The following OGDHL variants were observed in gnomAD, a reference collection of about 807,000 sequenced individuals.
OGDHL encodes 2-oxoglutarate dehydrogenase-like, mitochondrial.
Under a neutral mutation model 109.6 loss-of-function variants are expected in OGDHL, and 79 were observed. That is an observed-to-expected ratio of 0.72 (90% CI 0.60 to 0.87). OGDHL has a LOEUF of 0.87. Ranked by LOEUF, OGDHL falls within the 40% of genes least tolerant of loss-of-function variation. The pLI is 0.00. For missense variants in OGDHL, 1,275 were observed against 1,362.2 expected, an observed-to-expected ratio of 0.94 and a Z score of 1.01; for synonymous variants, 528 against 537.2, an observed-to-expected ratio of 0.98 and a Z score of 0.24.
chr10:49,753,920 T>TAGA (rs1842761480), intron 3 of OGDHL, among the ~76,000 whole-genome samples: 1 of 151,090 alleles, frequency 6.6e-6, no homozygotes, highest in Non-Finnish European at 1.5e-5. Flanking sequence ...AAAGAACTGT[T>TAGA]ATTCTAAGAT....
rs1243443143 is a variant in OGDHL, at chr10:49,744,092, C to T, written c.1763G>A (p.Ser588Asn). 4 of 1,613,846 alleles carry T rather than the reference C, an allele frequency of 2.5e-6. No individual in the cohort carries two copies. Among genetic ancestry groups the T allele is most frequent in the Non-Finnish European group, 3.4e-6 (4 of 1,179,916 alleles). The change falls in exon 14 of 23, where the codon AGC becomes AAC. Residue 588 changes from serine to asparagine, a missense_variant. Physicochemically the swap from Ser to Asn is conservative, Grantham distance 46 (BLOSUM62 1). Coordinates refer to ENST00000374103, the MANE Select transcript of OGDHL (RefSeq NM_018245.3). ...GATCCCCGTGGCTGGGCATGTCATG[C>T]TCTTGGGCTCCCCATCTACGTTGAA... ...GFFNVDGEPK[S>N]MTCPATGIPE... is the part of the protein sequence containing the mutation.
chr10:49,738,262 C>T lies in OGDHL; in HGVS notation c.2320G>A (p.Gly774Ser). The T allele has an allele frequency of 1.2e-6, 2 of 1,612,614 alleles. No individual in the cohort carries two copies. Among genetic ancestry groups the T allele is most frequent in the Non-Finnish European group, 1.7e-6 (2 of 1,180,006 alleles). ...LLLPHGMEGM[G>S]PEHSSARPER... ...GGCCTCGCTGACGAGTGCTCTGGGC[C>T]CTGAAAGCAAACGCCAGACAGCCAA... Residue 774 changes from glycine to serine, a missense_variant and splice_region_variant, in exon 18 of 23, where the codon GGC (glycine) becomes AGC (serine). By Grantham distance (56) the Gly-to-Ser change is moderately conservative. Transcript: ENST00000374103.
intron 7 of OGDHL, 47 bp downstream of exon 7, chr10:49,750,792 C>G (rs1406857292): frequency 1.3e-6 from 2 of 1,553,258 alleles, no homozygotes; most frequent in African/African-American, 1.3e-5. Flanking sequence ...CCTCTGTCCC[C>G]TGGGCTGGAG....
intron 15 of OGDHL, among the ~76,000 whole-genome samples, chr10:49,742,217 AC>A (rs1250685741): frequency 7.8e-6 from 1 of 128,020 alleles, no homozygotes; most frequent in African/African-American, 3.0e-5. Context: ...GCACACCCCC[AC>A]AAACCACACA....
intron 15 of OGDHL, among the ~76,000 whole-genome samples, chr10:49,742,546 A>ACACACACCACACG (rs1841856749): frequency 7.8e-6 from 1 of 127,914 alleles, no homozygotes; most frequent in Admixed American, 7.5e-5. Context: ...CACACCACAC[A>ACACACACCACACG]CAACTCGCCC....
chr10:49,761,858 G>C (rs1221625868), intron 1 of OGDHL, among the ~76,000 whole-genome samples: 2 of 152,190 alleles, frequency 1.3e-5, no homozygotes, highest in African/African-American at 4.8e-5. Context: ...GTCCCGCCAG[G>C]TGCACAGCGC....
chr10:49,750,699 G>A (rs1041823679), intron 7 of OGDHL, 140 bp downstream of exon 7: 7 of 1,194,706 alleles, frequency 5.9e-6, no homozygotes, highest in East Asian at 2.7e-5. Flanking sequence ...GCCAGGCCCA[G>A]GACTCAGAAC....
rs373158682 is a variant in OGDHL at position 49,747,063 on chromosome 10, T to C, written c.1133A>G (p.Glu378Gly). The change falls in exon 9 of 23, where the codon GAG becomes GGG. Residue 378 changes from glutamate (E) to glycine (G), a missense_variant. Transcript: ENST00000374103. ...DPVVQGKTKA[E>G]QFYRGDAQGK... ...CTGGGCATCTCCACGGTAGAACTGCTCTGCCTTTGTCTTCCCCTGCACCAC... is the reference window on the plus strand; with the variant it reads ...CTGGGCATCTCCACGGTAGAACTGCCCTGCCTTTGTCTTCCCCTGCACCAC... 1 of 1,614,090 alleles carries C rather than the reference T, an allele frequency of 6.2e-7. No individual in the cohort carries two copies. The highest frequency in any genetic ancestry group is 1.3e-5 in the African/African-American group (1 of 74,934).
intron 22 of OGDHL, 130 bp from the exon 23 acceptor site, chr10:49,735,481 G>T: frequency 9.3e-7 from 1 of 1,071,756 alleles, no homozygotes; most frequent in Non-Finnish European, 1.3e-6. Flanking sequence ...CCTGCCTTTT[G>T]GCCCTGGCAC....
At chr10:49,762,010 G>A (rs1843320700) in intron 1 of OGDHL, among the ~76,000 whole-genome samples, 1 of 152,228 alleles carries the variant, frequency 6.6e-6, no homozygotes, top group South Asian at 2.1e-4. Flanking sequence ...GGACTAGCCG[G>A]GTGGTACGCG....
intron 3 of OGDHL, 110 bp downstream of exon 3, chr10:49,756,666 A>G: frequency 8.9e-7 from 1 of 1,120,490 alleles, no homozygotes; most frequent in Admixed American, 2.8e-5. Context: ...GGACAAGGAG[A>G]AGGGCTCTCT....
chr10:49,755,018 C>A (rs1364241828), intron 3 of OGDHL, among the ~76,000 whole-genome samples: 1 of 152,126 alleles, frequency 6.6e-6, no homozygotes, highest in African/African-American at 2.4e-5. Context: ...CCAAGGCGGG[C>A]AGATCACTTG....
rs1564563407 is a variant in OGDHL at position 49,758,557 on chromosome 10, C to T, written c.36G>A (p.Gly12=). The T allele has an allele frequency of 6.2e-7, 1 of 1,613,804 alleles. No homozygotes were observed. The highest frequency in any genetic ancestry group is 8.5e-7 in the Non-Finnish European group (1 of 1,180,038). ...SQLRLLPSRL[G]VQAARLLAAH... ...CAGCCAGGAGCCTCGCAGCCTGTAC[C>T]CCAAGACGGGACGGCAGCAGCCTCA... Residue 12 remains glycine, a synonymous_variant, in exon 2 of 23, where the codon GGG becomes GGA. Coordinates refer to ENST00000374103, the MANE Select transcript of OGDHL (RefSeq NM_018245.3).
intron 1 of OGDHL, among the ~76,000 whole-genome samples, chr10:49,760,927 C>T (rs747833500): frequency 6.6e-6 from 1 of 152,252 alleles, no homozygotes; most frequent in Non-Finnish European, 1.5e-5. Context: ...CAGATAGGGA[C>T]AAAGTCTGGC....
chr10:49,738,109 C>T, intron 18 of OGDHL, 37 bp from the exon 19 acceptor site: 1 of 1,613,970 alleles, frequency 6.2e-7, no homozygotes, highest in Non-Finnish European at 8.5e-7. Flanking sequence ...GGGTGGCTGT[C>T]TGCTGCACCC....
intron 15 of OGDHL, among the ~76,000 whole-genome samples, chr10:49,741,916 CCACACAGACTACACACCA>C (rs1841703779): frequency 6.9e-6 from 1 of 145,982 alleles, no homozygotes; most frequent in Non-Finnish European, 1.5e-5. Context: ...AACACACACA[CCACACAGACTACACACCA>C]CAAACACAAT....
At chr10:49,752,097 G>T (rs1411925318) in intron 5 of OGDHL, 36 bp downstream of exon 5, 1 of 1,609,240 alleles carries the variant, frequency 6.2e-7, no homozygotes, top group Non-Finnish European at 8.5e-7. Context: ...CCAAAGAGCT[G>T]CTTCAGCTGC....
intron 14 of OGDHL, among the ~76,000 whole-genome samples, 187 bp from the exon 15 acceptor site, chr10:49,743,165 A>G (rs1173649569): frequency 6.6e-6 from 1 of 152,212 alleles, no homozygotes; most frequent in East Asian, 1.9e-4. Flanking sequence ...GGCTACCCCG[A>G]GCCTGTGGAG....
At chr10:49,746,908 T>G in intron 9 of OGDHL, 30 bp from the exon 10 acceptor site, 5 of 1,613,732 alleles carry the variant, frequency 3.1e-6, no homozygotes, top group Non-Finnish European at 4.2e-6. Context: ...CAGGAGGGGC[T>G]GCGTGCCCCA....
Sources: allele counts gnomAD v4.1 joint callset (sites outside exome capture counted in the v4.1 genomes callset), GRCh38; gene constraint gnomAD v4.1.1; transcripts MANE v1.5; gene names NCBI Gene and HGNC (gene_info 2026-07-23, HGNC 2026-07-21).